FBN1: variants seen among roughly 807,000 people sequenced by gnomAD.
FBN1 encodes fibrillin 1, also known as fibrillin-1.
Under a neutral mutation model 365.1 loss-of-function variants are expected in FBN1, and 29 were observed. The ratio of observed to expected loss-of-function variants is 0.08; its 90% confidence interval spans 0.06 to 0.11. The LOEUF is 0.11. Ranked by LOEUF, FBN1 falls within the 10% of genes least tolerant of loss-of-function variation. FBN1 has a pLI of 1.00. For synonymous variants in FBN1, 1,210 were observed against 1,270.5 expected, an observed-to-expected ratio of 0.95 and a Z score of 1.01; for missense variants, 2,476 against 3,703.2, an observed-to-expected ratio of 0.67 and a Z score of 8.60.
Position 48,516,109 on chromosome 15 carries a change from G to A in FBN1, c.1327+74C>T. On this transcript the variant is annotated intron_variant, in intron 11 of 65. Coordinates refer to ENST00000316623, the MANE Select transcript of FBN1 (RefSeq NM_000138.5). Reference sequence around the variant, plus strand: ...ACAAACTTATTTAATGACTAAAGTAGCATAAATAAATAATAAAAAAATGTT... The same window carrying A: ...ACAAACTTATTTAATGACTAAAGTAACATAAATAAATAATAAAAAAATGTT... 2.2e-6 allele frequency: 3 copies of A among 1,367,554 alleles called. No homozygotes were observed. In the South Asian group the frequency reaches 3.6e-5, roughly 17 times the overall value. 84.7% of individuals were successfully genotyped at this position (1,367,554 alleles called of 1,614,324 possible). A position where few individuals can be genotyped will look rare whatever the true frequency, so the allele number is the denominator to read the frequency against.
Position 48,526,224 on chromosome 15 carries a change from G to A in FBN1, c.894C>T (p.Ile298=). 4 of 1,614,064 alleles carry A rather than the reference G, an allele frequency of 2.5e-6. No individual in the cohort carries two copies. Among genetic ancestry groups the A allele is most frequent in the Non-Finnish European group, 3.4e-6 (4 of 1,179,964 alleles). ...DIDECSTIPG[I]CEGGECTNTV... The stretch of plus-strand genomic sequence containing the variant: ...TGTTTGTACATTCACCCCCTTCACA[G>A]ATTCCAGGAATGGTGCTGCATTCAT... The change falls in exon 9 of 66, where the codon ATC becomes ATT. Residue 298 remains isoleucine (I), a synonymous_variant. Transcript: ENST00000316623.
intron 24 of FBN1, among the ~76,000 whole-genome samples, chr15:48,490,796 T>C (rs1340730160): frequency 1.3e-5 from 2 of 152,218 alleles, no homozygotes; most frequent in East Asian, 3.8e-4. Flanking sequence ...GTGGATTGTC[T>C]TCAATAAATT....
At chr15:48,541,648 C>T (rs956769312) in intron 6 of FBN1, among the ~76,000 whole-genome samples, 5 of 152,114 alleles carry the variant, frequency 3.3e-5, no homozygotes, top group African/African-American at 9.7e-5. Flanking sequence ...TGCCCACACT[C>T]CCAATTCCTT....
At chr15:48,575,002 T>C (rs974529977) in intron 6 of FBN1, among the ~76,000 whole-genome samples, 2 of 152,252 alleles carry the variant, frequency 1.3e-5, no homozygotes, top group Admixed American at 1.3e-4. Flanking sequence ...TACTCAACAG[T>C]TAGGCATTCC....
chr15:48,644,924 G>A lies in FBN1; in HGVS notation c.-155C>T. 3.1e-6 allele frequency: 2 copies of A among 645,410 alleles called. No homozygotes were observed. Among genetic ancestry groups the A allele is most frequent in the Non-Finnish European group, 4.4e-6 (2 of 456,692 alleles). The allele number at this position is 645,410 out of a possible 1,614,324, so 40.0% of individuals were successfully genotyped here. A position where few individuals can be genotyped will look rare whatever the true frequency, so the allele number is the denominator to read the frequency against. On this transcript the variant is annotated 5_prime_UTR_variant, in exon 2 of 66. Coordinates refer to ENST00000316623, the MANE Select transcript of FBN1 (RefSeq NM_000138.5). ...GCTCCTCCCGCCTTCTCCAGGCGCTGCTCCCACTTCAGGCGGCCCCTGCCA... is the reference window on the plus strand; with the variant it reads ...GCTCCTCCCGCCTTCTCCAGGCGCTACTCCCACTTCAGGCGGCCCCTGCCA...
At chr15:48,639,326 C>T (rs543330081) in intron 2 of FBN1, among the ~76,000 whole-genome samples, 27 of 152,276 alleles carry the variant, frequency 1.8e-4, no homozygotes, top group African/African-American at 6.5e-4. Flanking sequence ...ATATGCAAAA[C>T]AGTAAGAACA....
intron 54 of FBN1, among the ~76,000 whole-genome samples, chr15:48,434,188 G>C (rs752689410): frequency 1.3e-5 from 2 of 152,142 alleles, no homozygotes; most frequent in Non-Finnish European, 2.9e-5. Context: ...CAGGATGATG[G>C]TGGGTATCTT....
intron 63 of FBN1, among the ~76,000 whole-genome samples, chr15:48,420,160 C>A (rs1454063326): frequency 2.0e-5 from 3 of 151,952 alleles, no homozygotes; most frequent in African/African-American, 7.3e-5. Flanking sequence ...CAGTAGATCT[C>A]CCTTAATTAT....
chr15:48,481,357 T>C (rs2043463071), intron 32 of FBN1, among the ~76,000 whole-genome samples: 1 of 152,196 alleles, frequency 6.6e-6, no homozygotes, highest in Admixed American at 6.5e-5. Context: ...AATTAGCATG[T>C]TCACTAATTT....
At chr15:48,453,801 G>A (rs185945921) in intron 44 of FBN1, among the ~76,000 whole-genome samples, 32 of 151,712 alleles carry the variant, frequency 2.1e-4, no homozygotes, top group Admixed American at 1.5e-3. Context: ...TATCGCTGTG[G>A]ACCTAAAACT....
intron 2 of FBN1, among the ~76,000 whole-genome samples, chr15:48,626,792 AAT>A (rs1238938542): frequency 6.6e-6 from 1 of 152,176 alleles, no homozygotes; most frequent in African/African-American, 2.4e-5. Flanking sequence ...TTTTAATAAA[AAT>A]AGTCTAATTT....
intron 2 of FBN1, among the ~76,000 whole-genome samples, chr15:48,618,325 T>A (rs1407065204): frequency 6.6e-6 from 1 of 152,218 alleles, no homozygotes; most frequent in African/African-American, 2.4e-5. Context: ...TTTTATTTGC[T>A]CTTTGACAAT....
chr15:48,625,508 C>G (rs1469811668), intron 2 of FBN1, among the ~76,000 whole-genome samples: 1 of 152,106 alleles, frequency 6.6e-6, no homozygotes, highest in South Asian at 2.1e-4. Flanking sequence ...GGCTTGACAC[C>G]CTTCTGGACC....
At position 48,427,549 on chromosome 15, in the gene FBN1, G is replaced by A; in HGVS notation, c.7204+18C>T. 6.2e-7 allele frequency: 1 copy of A among 1,606,894 alleles called. No homozygotes were observed. The highest frequency in any genetic ancestry group is 8.5e-7 in the Non-Finnish European group (1 of 1,173,664). On this transcript the variant is annotated intron_variant, in intron 58 of 65. Coordinates refer to ENST00000316623, the MANE Select transcript of FBN1 (RefSeq NM_000138.5). ...AAATAGATTCCCTGCAAGTATTTTT[G>A]GACTATAAATGAAGTACCTGCTCCA...
chr15:48,632,081 T>A (rs1390463237), intron 2 of FBN1, among the ~76,000 whole-genome samples: 1 of 152,172 alleles, frequency 6.6e-6, no homozygotes, highest in Non-Finnish European at 1.5e-5. Flanking sequence ...TGTTTCCCAA[T>A]GAAGACAACA....
intron 6 of FBN1, among the ~76,000 whole-genome samples, chr15:48,580,519 A>G (rs1324326103): frequency 1.3e-5 from 2 of 152,192 alleles, no homozygotes; most frequent in Non-Finnish European, 2.9e-5. Context: ...GATAATGCTC[A>G]GTCTACGAAT....
intron 2 of FBN1, among the ~76,000 whole-genome samples, chr15:48,614,001 T>A (rs1025584783): frequency 6.6e-6 from 1 of 152,234 alleles, no homozygotes; most frequent in African/African-American, 2.4e-5. Context: ...ACTCTGGGTT[T>A]CTTGTTTACA....
chr15:48,478,873 TACTC>T (rs1002935864), intron 32 of FBN1, among the ~76,000 whole-genome samples: 5 of 152,316 alleles, frequency 3.3e-5, no homozygotes, highest in Non-Finnish European at 5.9e-5. Context: ...AAAATGGAAA[TACTC>T]AGTAATGACA....
rs1555404819 is a variant in FBN1 at position 48,596,373 on chromosome 15, A to G, written c.448T>C (p.Cys150Arg). The G allele has an allele frequency of 6.2e-7, 1 of 1,613,924 alleles. No homozygotes were observed. Among genetic ancestry groups the G allele is most frequent in the Non-Finnish European group, 8.5e-7 (1 of 1,179,792 alleles). The change falls in exon 6 of 66, where the codon TGT (cysteine) becomes CGT (arginine). Residue 150 changes from cysteine (C) to arginine (R), a missense_variant. Cys to Arg is a radical substitution (Grantham distance 180, BLOSUM62 -3). Around this residue, in one of 5 missense-constraint regions of FBN1, gnomAD observed 421 missense variants for 520.1 expected, o/e 0.81. Transcript: ENST00000316623. ...YIGTHCGQPV[C>R]ESGCLNGGRC... ...CCTCCATTGAGACAGCCACTTTCAC[A>G]AACAGCTGTAAAATAAGGAGAGAGC...
Sources: allele counts gnomAD v4.1 joint callset (sites outside exome capture counted in the v4.1 genomes callset), GRCh38; gene constraint gnomAD v4.1.1; regional missense constraint gnomAD v4.1.1; transcripts MANE v1.5; gene names NCBI Gene and HGNC (gene_info 2026-07-23, HGNC 2026-07-21).